The following OSBPL11 variants were observed in gnomAD, a reference collection of about 807,000 sequenced individuals.
The protein encoded by OSBPL11 is oxysterol-binding protein-related protein 11.
A neutral mutation model predicts 84.4 loss-of-function variants in OSBPL11; 33 were observed. The observed-to-expected ratio is 0.39, with a 90% confidence interval of 0.30 to 0.52. The LOEUF (loss-of-function observed/expected upper bound fraction) is 0.52, where lower values mean the gene tolerates loss of function less well. Among genes scored for constraint, OSBPL11 ranks in the 20% least tolerant of loss-of-function variants. The probability of loss-of-function intolerance (pLI) is 0.72; values close to 1 mark genes in which losing one functional copy is unlikely to be tolerated. For synonymous variants in OSBPL11, 276 were observed against 310.2 expected, an observed-to-expected ratio of 0.89 and a Z score of 1.16; for missense variants, 736 against 901.1, an observed-to-expected ratio of 0.82 and a Z score of 2.35.
rs966058659 is a variant in OSBPL11 at position 125,552,070 on chromosome 3, T to C, written c.1654+111A>G. ...CCCAAGCGAACTTTCCTTTCTTTCCTGTTCTAAAGCCTTTTAAAGTAAACT... is the reference window on the plus strand; with the variant it reads ...CCCAAGCGAACTTTCCTTTCTTTCCCGTTCTAAAGCCTTTTAAAGTAAACT... On this transcript the variant is annotated intron_variant, in intron 9 of 12. Coordinates refer to ENST00000296220, the MANE Select transcript of OSBPL11 (RefSeq NM_022776.5). 4 of 601,938 alleles carry C rather than the reference T, an allele frequency of 6.6e-6. No homozygotes were observed. In the African/African-American group the frequency reaches 7.5e-5, roughly 11 times the overall value. The allele number at this position is 601,938 out of a possible 1,614,324, so 37.3% of individuals were successfully genotyped here. A position where few individuals can be genotyped will look rare whatever the true frequency, so the allele number is the denominator to read the frequency against.
At chr3:125,573,208 T>A (rs569686327) in intron 5 of OSBPL11, among the ~76,000 whole-genome samples, 45 of 147,980 alleles carry the variant, frequency 3.0e-4, no homozygotes, top group South Asian at 1.3e-3. Flanking sequence ...CAGTTCCTTT[T>A]AAAAAAAAAA....
chr3:125,563,896 T>TC (rs754760745), intron 6 of OSBPL11, 53 bp from the exon 7 acceptor site: 8 of 1,597,598 alleles, frequency 5.0e-6, no homozygotes, highest in South Asian at 2.2e-5. Flanking sequence ...TCTAGAAAGT[T>TC]CGGCAGATGT....
At chr3:125,577,972 A>T (rs1196768556) in intron 4 of OSBPL11, among the ~76,000 whole-genome samples, 1 of 152,196 alleles carries the variant, frequency 6.6e-6, no homozygotes, top group Non-Finnish European at 1.5e-5. Context: ...CAGCAATTCT[A>T]CTCCCAGACC....
intron 11 of OSBPL11, among the ~76,000 whole-genome samples, chr3:125,535,515 C>T (rs1302460469): frequency 7.1e-6 from 1 of 141,544 alleles, no homozygotes; most frequent in Non-Finnish European, 1.5e-5. Flanking sequence ...TCAACGGCGG[C>T]TCACTGCAAC....
chr3:125,562,451 C>G (rs1936092354), intron 7 of OSBPL11, among the ~76,000 whole-genome samples: 2 of 152,172 alleles, frequency 1.3e-5, no homozygotes, highest in South Asian at 4.2e-4. Context: ...TTCTCCCCTG[C>G]CAACCCTTGC....
chr3:125,553,063 G>T (rs1011606430), intron 8 of OSBPL11, among the ~76,000 whole-genome samples: 2 of 152,204 alleles, frequency 1.3e-5, no homozygotes, highest in African/African-American at 4.8e-5. Context: ...AATGAGCCAT[G>T]ACTGCGCCAC....
chr3:125,544,480 C>G (rs1935781673), intron 10 of OSBPL11, among the ~76,000 whole-genome samples: 1 of 152,176 alleles, frequency 6.6e-6, no homozygotes, highest in Non-Finnish European at 1.5e-5. Flanking sequence ...TTCCCTTTAA[C>G]AGGCTAAGGT....
At position 125,579,977 on chromosome 3, in the gene OSBPL11, A is replaced by G. The variant is rs754075608; in HGVS notation, c.297T>C (p.Asn99=). Residue 99 remains asparagine, a synonymous_variant, in exon 3 of 13, where the codon AAT becomes AAC. Transcript: ENST00000296220. ...LEYFVNEQSR[N]QKPRGTLQLA... is the part of the protein sequence containing the mutation. ...GCTGCAAAGTTCCTCTAGGTTTCTG[A>G]TTTCTAGACTGTTCATTCACAAAGT... The G allele has an allele frequency of 1.2e-6, 2 of 1,614,040 alleles. No individual in the cohort carries two copies. Among genetic ancestry groups the G allele is most frequent in the African/African-American group, 2.7e-5 (2 of 74,938 alleles).
intron 12 of OSBPL11, among the ~76,000 whole-genome samples, chr3:125,531,518 T>C (rs1054494095): frequency 6.6e-6 from 1 of 151,812 alleles, no homozygotes; most frequent in African/African-American, 2.4e-5. Flanking sequence ...CTCGAACTCC[T>C]GACCTCAGGT....
In OSBPL11 at chr3:125,530,573, C is replaced by A; in HGVS notation, c.2186G>T (p.Gly729Val). Residue 729 changes from glycine to valine, a missense_variant, in exon 13 of 13, where the codon GGC becomes GTC. By Grantham distance (109) the Gly-to-Val change is moderately radical. Coordinates refer to ENST00000296220, the MANE Select transcript of OSBPL11 (RefSeq NM_022776.5). ...KTKYFIKEGD[G>V]WVYHKPLWKI... ...CCAAAGTGGTTTATGATAAACCCAGCCATCTCCCTGAAACAAATAAAAAGA... is the reference window on the plus strand; with the variant it reads ...CCAAAGTGGTTTATGATAAACCCAGACATCTCCCTGAAACAAATAAAAAGA... 2 of 1,612,588 alleles carry A rather than the reference C, an allele frequency of 1.2e-6. No individual in the cohort carries two copies. Among genetic ancestry groups the A allele is most frequent in the Admixed American group, 1.7e-5 (1 of 60,010 alleles).
chr3:125,557,663 C>T, intron 8 of OSBPL11, among the ~76,000 whole-genome samples: 1 of 151,860 alleles, frequency 6.6e-6, no homozygotes, highest in East Asian at 1.9e-4. Flanking sequence ...TAGGTGTGAG[C>T]CATGGCACCC....
chr3:125,575,502 A>G (rs1936308850), intron 5 of OSBPL11, among the ~76,000 whole-genome samples: 1 of 151,342 alleles, frequency 6.6e-6, no homozygotes. Context: ...CTGGAATTAC[A>G]GGGATAAGAC....
chr3:125,552,996 T>C (rs1219010015), intron 8 of OSBPL11, among the ~76,000 whole-genome samples: 1 of 152,040 alleles, frequency 6.6e-6, no homozygotes. Context: ...CTTGTGCCTG[T>C]GGTCCCAGCT....
chr3:125,594,877 T>A lies in OSBPL11; in HGVS notation c.-77A>T. ...AGTTCTGTAGGTGACTTTTTTTTTT[T>A]AAGATTTGATCTGAATATGATACCG... is the stretch of plus-strand genomic sequence containing the variant. On this transcript the variant is annotated 5_prime_UTR_variant, in exon 1 of 13. Coordinates refer to ENST00000296220, the MANE Select transcript of OSBPL11 (RefSeq NM_022776.5). 4.9e-6 allele frequency: 7 copies of A among 1,433,828 alleles called. No individual in the cohort carries two copies. The Admixed American group carries it at 1.1e-4, about 23-fold the overall frequency. The allele number at this position is 1,433,828 out of a possible 1,614,324, so 88.8% of individuals were successfully genotyped here. A position where few individuals can be genotyped will look rare whatever the true frequency, so the allele number is the denominator to read the frequency against.
At position 125,535,439 on chromosome 3, in the gene OSBPL11, C is replaced by CTTTT. The variant is rs763678488; in HGVS notation, c.2024+3008_2024+3011dup. Among the ~76,000 whole-genome samples, 407 of 84,278 alleles carry CTTTT rather than the reference C, an allele frequency of 4.8e-3. 7 individuals carry two copies. Among genetic ancestry groups the CTTTT allele is most frequent in the Non-Finnish European group, 6.2e-3 (273 of 44,084 alleles). The allele number at this position is 84,278 out of a possible 152,430, so 55.3% of individuals were successfully genotyped here. On this transcript the variant is annotated intron_variant, in intron 11 of 12. Coordinates refer to ENST00000296220, the MANE Select transcript of OSBPL11 (RefSeq NM_022776.5). ...TTTAGCAAATAAAATTCAGAAGCAT[C>CTTTT]TTTTTTTTTTTTTTTTTTTTTTTTG...
At chr3:125,588,634 A>G (rs534934155) in intron 1 of OSBPL11, among the ~76,000 whole-genome samples, 1 of 152,300 alleles carries the variant, frequency 6.6e-6, no homozygotes, top group South Asian at 2.1e-4. Flanking sequence ...TATCCTCCCA[A>G]AAGGCTTAGC....
chr3:125,539,341 AT>A lies in OSBPL11; in HGVS notation c.1842-709del, dbSNP rs1559834989. 6.9e-4 allele frequency among the ~76,000 whole-genome samples: 83 copies of A among 119,568 alleles called. 1 individual carries two copies. Among genetic ancestry groups the A allele is most frequent in the South Asian group, 1.3e-3 (5 of 3,762 alleles). The allele number at this position is 119,568 out of a possible 152,430, so 78.4% of individuals were successfully genotyped here. A position where few individuals can be genotyped will look rare whatever the true frequency, so the allele number is the denominator to read the frequency against. ...TATATATATATATATATATATATAT[AT>A]ATAATAGCTATATATATGGCTGTTT... On this transcript the variant is annotated intron_variant, in intron 10 of 12. Transcript: ENST00000296220.
At chr3:125,589,185 C>T (rs1190575471) in intron 1 of OSBPL11, among the ~76,000 whole-genome samples, 1 of 151,862 alleles carries the variant, frequency 6.6e-6, no homozygotes, top group Non-Finnish European at 1.5e-5. Context: ...CCCGTCTCTA[C>T]CAAAAATATA....
chr3:125,582,269 A>G (rs896441235), intron 2 of OSBPL11, among the ~76,000 whole-genome samples: 3 of 151,314 alleles, frequency 2.0e-5, no homozygotes, highest in Non-Finnish European at 2.9e-5. Flanking sequence ...CCGGAGGCAG[A>G]GGTTACAGTG....
Sources: allele counts gnomAD v4.1 joint callset (sites outside exome capture counted in the v4.1 genomes callset), GRCh38; gene constraint gnomAD v4.1.1; transcripts MANE v1.5; gene names NCBI Gene and HGNC (gene_info 2026-07-23, HGNC 2026-07-21).